Variants in MPHOSPH9 observed in about 807,000 individuals in gnomAD.
MPHOSPH9 encodes the protein M-phase phosphoprotein 9.
MPHOSPH9 carries 88 observed loss-of-function variants against 145.5 expected under a neutral mutation model. That is an observed-to-expected ratio of 0.60 (90% CI 0.51 to 0.72). The LOEUF is 0.72. Ranked by LOEUF, MPHOSPH9 falls within the 30% of genes least tolerant of loss-of-function variation. The pLI, the probability that MPHOSPH9 is intolerant of heterozygous loss-of-function variation, is 0.00. For synonymous variants in MPHOSPH9, 435 were observed against 486.2 expected (o/e 0.89, Z 1.39); for missense variants, 1,238 against 1,386.6 (o/e 0.89, Z 1.70).
chr12:123,162,112 T>TA lies in MPHOSPH9; in HGVS notation c.3133+2dup, dbSNP rs1870413655. The TA allele has an allele frequency of 6.6e-7, 1 of 1,523,990 alleles. No individual in the cohort carries two copies. The highest frequency in any genetic ancestry group is 1.9e-5 in the Admixed American group (1 of 51,780). 94.4% of individuals were successfully genotyped at this position (1,523,990 alleles called of 1,614,324 possible). On this transcript the variant is annotated splice_region_variant and intron_variant, in intron 21 of 23. Transcript: ENST00000606320. ...ATAACTAATATTTTTTAGGAAAAGA[T>TA]ACCTTCCGAGTCATCTAGAGGAAGA...
intron 3 of MPHOSPH9, chr12:123,226,152 T>C (rs2047427145): frequency 5.7e-6 from 1 of 174,864 alleles, no homozygotes; most frequent in Admixed American, 6.4e-5. Context: ...TTTTTAAAGG[T>C]CTTTCACGTT....
At chr12:123,197,219 C>G (rs2045997600) in intron 12 of MPHOSPH9, among the ~76,000 whole-genome samples, 1 of 151,656 alleles carries the variant, frequency 6.6e-6, no homozygotes, top group African/African-American at 2.4e-5. Flanking sequence ...GTCATGCTCT[C>G]TTGCCCAGGC....
chr12:123,242,118 C>A (rs1378447840), intron 1 of MPHOSPH9, among the ~76,000 whole-genome samples: 1 of 152,194 alleles, frequency 6.6e-6, no homozygotes, highest in African/African-American at 2.4e-5. Context: ...AATTAATGTT[C>A]CCTTTTGTAA....
chr12:123,166,510 G>A, intron 17 of MPHOSPH9, 145 bp downstream of exon 17: 2 of 908,574 alleles, frequency 2.2e-6, no homozygotes, highest in Admixed American at 2.3e-5. Flanking sequence ...AAAAGTAGTA[G>A]CCTTTCAAAG....
intron 6 of MPHOSPH9, among the ~76,000 whole-genome samples, chr12:123,216,016 T>A (rs1357171368): frequency 6.6e-6 from 1 of 152,144 alleles, no homozygotes; most frequent in African/African-American, 2.4e-5. Context: ...GGCGGGCAGA[T>A]CACGAGGTCA....
intron 17 of MPHOSPH9, chr12:123,166,434 A>G (rs1257458218): frequency 1.7e-6 from 1 of 577,642 alleles, no homozygotes; most frequent in African/African-American, 1.9e-5. Context: ...CCTAATCACA[A>G]ACCCATACTG....
chr12:123,183,547 CAAAAAAAAA>C (rs746928699), intron 13 of MPHOSPH9, among the ~76,000 whole-genome samples: 3 of 59,990 alleles, frequency 5.0e-5, no homozygotes, highest in Non-Finnish European at 8.3e-5. Context: ...GACTCTGTCT[CAAAAAAAAA>C]AAAAAAAAAA....
At chr12:123,215,760 A>G (rs780129948) in intron 6 of MPHOSPH9, among the ~76,000 whole-genome samples, 1 of 152,220 alleles carries the variant, frequency 6.6e-6, no homozygotes, top group Admixed American at 6.6e-5. Flanking sequence ...CAGGTCCCTC[A>G]TGAAACTTTT....
At chr12:123,170,205 C>T (rs1273076360) in intron 16 of MPHOSPH9, among the ~76,000 whole-genome samples, 5 of 151,524 alleles carry the variant, frequency 3.3e-5, no homozygotes, top group Non-Finnish European at 7.4e-5. Flanking sequence ...TACAGTGGCT[C>T]GATGTCGGCT....
intron 13 of MPHOSPH9, among the ~76,000 whole-genome samples, chr12:123,185,083 C>T (rs931854427): frequency 1.3e-5 from 2 of 152,088 alleles, no homozygotes; most frequent in Non-Finnish European, 2.9e-5. Flanking sequence ...AGATTATAGG[C>T]GTGAGCCACC....
At chr12:123,199,789 A>G (rs2046137618) in intron 11 of MPHOSPH9, among the ~76,000 whole-genome samples, 1 of 140,892 alleles carries the variant, frequency 7.1e-6, no homozygotes, top group South Asian at 2.2e-4. Flanking sequence ...ACTCCATCTC[A>G]AAAAAAAAAA....
intron 6 of MPHOSPH9, 73 bp downstream of exon 6, chr12:123,218,303 T>C: frequency 6.4e-7 from 1 of 1,553,398 alleles, no homozygotes; most frequent in Non-Finnish European, 8.7e-7. Context: ...ACAAGAGTTT[T>C]GTTCATGAGC....
intron 23 of MPHOSPH9, 70 bp from the exon 24 acceptor site, chr12:123,156,978 C>A: frequency 4.2e-6 from 5 of 1,180,250 alleles, no homozygotes; most frequent in Non-Finnish European, 6.0e-6. Context: ...ACCAAACTGA[C>A]CTTTCTTTTA....
chr12:123,179,682 C>G (rs1265735748), intron 15 of MPHOSPH9, among the ~76,000 whole-genome samples: 2 of 147,936 alleles, frequency 1.4e-5, no homozygotes, highest in African/African-American at 5.0e-5. Flanking sequence ...GAATTCACAG[C>G]CAATCTAGGC....
chr12:123,166,475 A>C, intron 17 of MPHOSPH9, 180 bp downstream of exon 17: 24 of 700,122 alleles, frequency 3.4e-5, no homozygotes, highest in Non-Finnish European at 3.4e-5. Flanking sequence ...GAAGCTTGGC[A>C]GAGCTCATGG....
At chr12:123,212,461 G>A (rs1035338824) in intron 7 of MPHOSPH9, among the ~76,000 whole-genome samples, 43 of 151,636 alleles carry the variant, frequency 2.8e-4, no homozygotes, top group African/African-American at 9.0e-4. Flanking sequence ...AGGCTGAGGC[G>A]GGCAGATCAC....
In MPHOSPH9 at chr12:123,203,314, C is replaced by T. The variant is rs1437725012; in HGVS notation, c.1256G>A (p.Arg419Lys). 2.5e-6 allele frequency: 4 copies of T among 1,612,800 alleles called. No homozygotes were observed. The Admixed American group carries it at 6.7e-5, about 27-fold the overall frequency. Residue 419 changes from arginine to lysine, a missense_variant, in exon 9 of 24, where the codon AGG becomes AAG. Physicochemically the swap from Arg to Lys is conservative, Grantham distance 26. Around this residue, in one of 3 missense-constraint regions of MPHOSPH9, gnomAD observed 837 missense variants for 897.5 expected, o/e 0.93. Coordinates refer to ENST00000606320, the MANE Select transcript of MPHOSPH9 (RefSeq NM_022782.4). ...SLKDIYYKKQ[R>K]ENKQLPERNL... ...CCTCTCAGGTAACTGCTTGTTTTCC[C>T]TTTGTTTTTTATAATAAATATCCTT...
In MPHOSPH9 at chr12:123,163,109, T is replaced by G; in HGVS notation, c.2934A>C (p.Pro978=). The change falls in exon 20 of 24, where the codon CCA becomes CCC. Residue 978 remains proline, a synonymous_variant. Transcript: ENST00000606320. ...TPTKREIMLT[P]VTVAYSPKRS... ...GCTTTGGACTATAAGCCACAGTCAC[T>G]GGTGTTAGCATAATCTCTCTTTTTG... is the stretch of plus-strand genomic sequence containing the variant. 6.3e-7 allele frequency: 1 copy of G among 1,587,906 alleles called. No individual in the cohort carries two copies. Among genetic ancestry groups the G allele is most frequent in the South Asian group, 1.2e-5 (1 of 84,750 alleles).
intron 1 of MPHOSPH9, among the ~76,000 whole-genome samples, chr12:123,238,321 G>A (rs1019048103): frequency 6.6e-6 from 1 of 152,076 alleles, no homozygotes; most frequent in Non-Finnish European, 1.5e-5. Context: ...ATTGCACGTT[G>A]GTCTGTTTAA....
Sources: gnomAD v4.1 joint callset for allele counts (sites outside exome capture counted in the v4.1 genomes callset) on GRCh38, gnomAD v4.1.1 for gene constraint, gnomAD v4.1.1 regional missense constraint, MANE v1.5 for transcripts, NCBI Gene and HGNC (gene_info 2026-07-23, HGNC 2026-07-21) for gene names.